The following DYNC2H1 variants were observed in gnomAD, a reference collection of about 807,000 sequenced individuals.
The protein encoded by DYNC2H1 is cytoplasmic dynein 2 heavy chain 1.
Under a neutral mutation model 570.0 loss-of-function variants are expected in DYNC2H1, and 410 were observed. The observed-to-expected ratio is 0.72, with a 90% confidence interval of 0.66 to 0.78. DYNC2H1 has a LOEUF of 0.78. Among genes scored for constraint, DYNC2H1 ranks in the 30% least tolerant of loss-of-function variants. The pLI is 0.00. For synonymous variants in DYNC2H1, 1,688 were observed against 1,677.6 expected (o/e 1.01, Z -0.15); for missense variants, 4,865 against 5,046.4 (o/e 0.96, Z 1.09).
At position 103,154,549 on chromosome 11, in the gene DYNC2H1, A is replaced by G. The variant is rs573413603; in HGVS notation, c.3401A>G (p.Tyr1134Cys). ...AGCTGTGCCCAAATTTGGGCCTTTT[A>G]TGAAGAGTTTCAACAAGGATTTCAG... ...IESCAQIWAF[Y>C]EEFQQGFQEM... Residue 1134 changes from tyrosine to cysteine, a missense_variant, in exon 23 of 89, where the codon TAT becomes TGT. This residue lies in a region of DYNC2H1 where 1,936 missense variants were observed against 1,962.1 expected (regional missense o/e 0.99). Coordinates refer to ENST00000375735, the MANE Select transcript of DYNC2H1 (RefSeq NM_001377.3). The G allele has an allele frequency of 4.1e-5, 65 of 1,597,142 alleles. No homozygotes were observed. In the South Asian group the frequency reaches 6.9e-4, roughly 17 times the overall value.
rs1439616877 is a variant in DYNC2H1, at chr11:103,174,076, A to G, written c.5580A>G (p.Gln1860=). 1 of 1,588,086 alleles carries G rather than the reference A, an allele frequency of 6.3e-7. No homozygotes were observed. Among genetic ancestry groups the G allele is most frequent in the Non-Finnish European group, 8.6e-7 (1 of 1,165,744 alleles). Residue 1860 remains glutamine, a synonymous_variant, in exon 36 of 89, where the codon CAA becomes CAG. Transcript: ENST00000375735. ...TCAGGGAACTTTTGACACCTCAGCAACATTATGATTGGGGTTTGAGAGCTT... is the reference window on the plus strand; with the variant it reads ...TCAGGGAACTTTTGACACCTCAGCAGCATTATGATTGGGGTTTGAGAGCTT... ...NLSRELLTPQ[Q]HYDWGLRALK... is the part of the protein sequence containing the mutation.
At position 103,133,312 on chromosome 11, in the gene DYNC2H1, G is replaced by A. The variant is rs1414863781; in HGVS notation, c.1954-243G>A. Among the ~76,000 whole-genome samples the A allele has an allele frequency of 8.6e-5, 13 of 151,862 alleles. No individual in the cohort carries two copies. Among genetic ancestry groups the A allele is most frequent in the Non-Finnish European group, 4.4e-5 (3 of 67,988 alleles). On this transcript the variant is annotated intron_variant, in intron 13 of 88. Coordinates refer to ENST00000375735, the MANE Select transcript of DYNC2H1 (RefSeq NM_001377.3). This position sits in a 1 kb window ranked among gnomAD's most constrained non-coding sequence, Gnocchi z 4.8. ...TCTGCCTTCTTCATTCTTCCTTTCC[G>A]TCACCTTATGCTTGTTTGTTGTGTT... is the stretch of plus-strand genomic sequence containing the variant.
At chr11:103,216,392 C>A (rs1863384576) in intron 55 of DYNC2H1, among the ~76,000 whole-genome samples, 1 of 152,140 alleles carries the variant, frequency 6.6e-6, no homozygotes, top group Non-Finnish European at 1.5e-5. Flanking sequence ...CATGCTCTTT[C>A]AGGATGATCT....
intron 83 of DYNC2H1, among the ~76,000 whole-genome samples, chr11:103,372,371 C>G (rs2566955): frequency 0.67 from 101,047 of 151,946 alleles, 33,792 homozygotes; most frequent in Admixed American, 0.72. Context: ...GTGCATTTGT[C>G]AAGTGTGGCC....
chr11:103,230,047 G>T (rs1213557679), intron 59 of DYNC2H1, among the ~76,000 whole-genome samples: 1 of 152,128 alleles, frequency 6.6e-6, no homozygotes, highest in Non-Finnish European at 1.5e-5. Flanking sequence ...TATTGAGGGG[G>T]AGGGGACAGT....
At chr11:103,276,974 C>A (rs1865934009) in intron 70 of DYNC2H1, among the ~76,000 whole-genome samples, 1 of 152,086 alleles carries the variant, frequency 6.6e-6, no homozygotes, top group African/African-American at 2.4e-5. Context: ...AGTTTTAAAT[C>A]TCTGAACCTT....
chr11:103,247,666 A>G (rs4341504), intron 65 of DYNC2H1, among the ~76,000 whole-genome samples: 26,800 of 151,996 alleles, frequency 0.18, 3,013 homozygotes, highest in African/African-American at 0.32. Flanking sequence ...AAGGTTGAGA[A>G]ACCTTAAGCT....
rs990383318 is a variant in DYNC2H1, at chr11:103,148,527, T to C, written c.2856T>C (p.Ala952=). 3.2e-6 allele frequency: 5 copies of C among 1,564,934 alleles called. No homozygotes were observed. Among genetic ancestry groups the C allele is most frequent in the Non-Finnish European group, 4.3e-6 (5 of 1,153,022 alleles). Residue 952 remains alanine, a synonymous_variant, in exon 20 of 89, where the codon GCT becomes GCC. Transcript: ENST00000375735. ...LHEIDTFVTE[A]MEVLTIMPQS... ...AAATTGATACATTTGTTACTGAGGCTATGGAAGTCTTAACAATTATGCCCC... is the reference window on the plus strand; with the variant it reads ...AAATTGATACATTTGTTACTGAGGCCATGGAAGTCTTAACAATTATGCCCC...
rs146087030 is a variant in DYNC2H1, at chr11:103,353,381, A to C, written c.12040-4862A>C. ...TAGGTCATGCTTGTTGATTGTGTTC[A>C]AATTTTCTATATGTGTTCTGTATGT... On this transcript the variant is annotated intron_variant, in intron 82 of 88. Coordinates refer to ENST00000375735, the MANE Select transcript of DYNC2H1 (RefSeq NM_001377.3). Among the ~76,000 whole-genome samples the C allele has an allele frequency of 1.4e-4, 21 of 152,246 alleles. No homozygotes were observed. The East Asian group carries it at 4.1e-3, about 29-fold the overall frequency.
rs975286597 is a variant in DYNC2H1, at chr11:103,145,881, G to A, written c.2703-1891G>A. Among the ~76,000 whole-genome samples the A allele has an allele frequency of 5.9e-5, 9 of 152,146 alleles. No individual in the cohort carries two copies. The highest frequency in any genetic ancestry group is 2.0e-4 in the Admixed American group (3 of 15,286). On this transcript the variant is annotated intron_variant, in intron 18 of 88. Coordinates refer to ENST00000375735, the MANE Select transcript of DYNC2H1 (RefSeq NM_001377.3). The surrounding 1 kb of genome is among the most constrained non-coding windows in gnomAD (Gnocchi z 4.2). ...ATTTTCAAATGAAAGATGAATGTTA[G>A]CCTTGTCCACAGCACTCCGTAGTTA...
intron 31 of DYNC2H1, among the ~76,000 whole-genome samples, chr11:103,167,014 T>TTTG (rs1861343867): frequency 9.1e-6 from 1 of 109,346 alleles, no homozygotes; most frequent in African/African-American, 3.3e-5. Flanking sequence ...TTTTTTTTGA[T>TTTG]TTTTCCTCTT....
intron 86 of DYNC2H1, among the ~76,000 whole-genome samples, chr11:103,455,899 G>A (rs145878625): frequency 6.6e-6 from 1 of 152,182 alleles, no homozygotes; most frequent in Non-Finnish European, 1.5e-5. Context: ...AAATTTAGTT[G>A]TTTAGTAACT....
chr11:103,168,407 CT>C (rs987462175), intron 31 of DYNC2H1, among the ~76,000 whole-genome samples: 2 of 152,206 alleles, frequency 1.3e-5, no homozygotes, highest in Non-Finnish European at 2.9e-5. Context: ...GCCTGCTACT[CT>C]TTTCAGAGTT....
At chr11:103,297,307 A>G (rs575489371) in intron 75 of DYNC2H1, among the ~76,000 whole-genome samples, 1 of 152,248 alleles carries the variant, frequency 6.6e-6, no homozygotes, top group East Asian at 1.9e-4. Flanking sequence ...TTAAACAGTT[A>G]ACAGTTTAGC....
In DYNC2H1 at chr11:103,222,158, T is replaced by C; in HGVS notation, c.9231+5T>C. 1 of 1,520,742 alleles carries C rather than the reference T, an allele frequency of 6.6e-7. No homozygotes were observed. The allele number at this position is 1,520,742 out of a possible 1,614,324, so 94.2% of individuals were successfully genotyped here. ...AAAGGCTCTTTTGATCCAAAGGTAATTTTTAAGTTATACTATAAATTTGTT... is the reference window on the plus strand; with the variant it reads ...AAAGGCTCTTTTGATCCAAAGGTAACTTTTAAGTTATACTATAAATTTGTT... On this transcript the variant is annotated splice_donor_5th_base_variant and intron_variant, in intron 58 of 88. Coordinates refer to ENST00000375735, the MANE Select transcript of DYNC2H1 (RefSeq NM_001377.3).
intron 40 of DYNC2H1, among the ~76,000 whole-genome samples, chr11:103,183,753 A>T (rs938361263): frequency 6.6e-6 from 1 of 151,902 alleles, no homozygotes; most frequent in Non-Finnish European, 1.5e-5. Context: ...AACTCTCAGT[A>T]TGAGTCTGTC....
chr11:103,136,856 T>C (rs1437831601), intron 17 of DYNC2H1, among the ~76,000 whole-genome samples: 2 of 152,176 alleles, frequency 1.3e-5, no homozygotes, highest in African/African-American at 2.4e-5. Flanking sequence ...TGTGAAAGTG[T>C]TCCTATTTCT....
chr11:103,463,581 T>G (rs1397646405), intron 87 of DYNC2H1, among the ~76,000 whole-genome samples: 1 of 152,008 alleles, frequency 6.6e-6, no homozygotes, highest in African/African-American at 2.4e-5. Context: ...AGAACCCTGT[T>G]TCTACTACAA....
rs191672151 is a variant in DYNC2H1, at chr11:103,151,258, C to T, written c.2947-878C>T. Among the ~76,000 whole-genome samples, 16 of 152,068 alleles carry T rather than the reference C, an allele frequency of 1.1e-4. No individual in the cohort carries two copies. The East Asian group carries it at 3.1e-3, about 29-fold the overall frequency. On this transcript the variant is annotated intron_variant, in intron 20 of 88. Transcript: ENST00000375735. This position sits in a 1 kb window ranked among gnomAD's most constrained non-coding sequence, Gnocchi z 4.6. ...GGAGTACAGGTGTGCACCACCATGC[C>T]CAGTTAATTTTTAAAATATATTTTT...
Sources: allele counts gnomAD v4.1 joint callset (sites outside exome capture counted in the v4.1 genomes callset), GRCh38; gene constraint gnomAD v4.1.1; regional missense constraint gnomAD v4.1.1; non-coding constraint Gnocchi (gnomAD v3.1); transcripts MANE v1.5; gene names NCBI Gene and HGNC (gene_info 2026-07-23, HGNC 2026-07-21).